Variants in ABCB11 observed in about 807,000 individuals in gnomAD.
ABCB11 encodes ATP binding cassette subfamily B member 11.
In ABCB11, 95 loss-of-function variants were observed where a neutral mutation model predicts 148.0. That is an observed-to-expected ratio of 0.64 (90% confidence interval 0.54 to 0.76). The LOEUF is 0.76. ABCB11 is among the 30% of genes least tolerant of loss of function. The pLI is 0.00. For synonymous variants in ABCB11, 591 were observed against 555.4 expected, an observed-to-expected ratio of 1.06 and a Z score of -0.90; for missense variants, 1,523 against 1,617.8, an observed-to-expected ratio of 0.94 and a Z score of 1.01.
At chr2:169,015,315 A>C (rs1695319523) in intron 3 of ABCB11, among the ~76,000 whole-genome samples, 2 of 152,186 alleles carry the variant, frequency 1.3e-5, no homozygotes, top group African/African-American at 4.8e-5. Context: ...CCACCTTGTG[A>C]ATGGATACCA....
downstream of ABCB11, among the ~76,000 whole-genome samples, chr2:168,916,214 G>T (rs544001176): frequency 3.9e-5 from 6 of 152,260 alleles, no homozygotes; most frequent in South Asian, 2.1e-4. Flanking sequence ...ATAGGCACTT[G>T]TTCTCTGTCA....
At chr2:168,964,020 A>G (rs903867022) in intron 18 of ABCB11, among the ~76,000 whole-genome samples, 186 bp downstream of exon 18, 33 of 151,940 alleles carry the variant, frequency 2.2e-4, no homozygotes, top group African/African-American at 7.5e-4. Context: ...CAATTAACTA[A>G]TCTGCATTAA....
chr2:169,014,250 T>C (rs1558927963), intron 4 of ABCB11, 53 bp downstream of exon 4: 2 of 1,553,296 alleles, frequency 1.3e-6, no homozygotes, highest in East Asian at 4.5e-5. Context: ...CCTCATGATC[T>C]AAACAATTTA....
rs776561679 is a variant in ABCB11, at chr2:168,996,661, C to T, written c.451G>A (p.Ala151Thr). 13 of 1,563,176 alleles carry T rather than the reference C, an allele frequency of 8.3e-6. No homozygotes were observed. Among genetic ancestry groups the T allele is most frequent in the South Asian group, 2.4e-5 (2 of 83,052 alleles). ...FASYYAGIAV[A>T]VLITGYIQIC... ...TGAATATATCCTGTGATAAGTACTG[C>T]GACAGCAATTCCAGCATAGTAACTG... Residue 151 changes from alanine (A) to threonine (T), a missense_variant, in exon 6 of 28, where the codon GCA (alanine) becomes ACA (threonine). By Grantham distance (58) the Ala-to-Thr change is moderately conservative. Transcript: ENST00000650372.
chr2:169,023,783 T>C (rs1318234104), intron 1 of ABCB11, among the ~76,000 whole-genome samples: 2 of 152,180 alleles, frequency 1.3e-5, no homozygotes, highest in Non-Finnish European at 2.9e-5. Flanking sequence ...GAATTAACGA[T>C]AGTGGTTACC....
At chr2:168,924,013 T>A (rs1691193882) in intron 27 of ABCB11, among the ~76,000 whole-genome samples, 191 bp from the exon 28 acceptor site, 1 of 152,190 alleles carries the variant, frequency 6.6e-6, no homozygotes, top group South Asian at 2.1e-4. Context: ...GGCAGTGCAC[T>A]GGCTGAGAAA....
chr2:168,935,787 C>T (rs889184949), intron 22 of ABCB11, among the ~76,000 whole-genome samples: 8 of 152,154 alleles, frequency 5.3e-5, no homozygotes, highest in African/African-American at 1.9e-4. Context: ...GACACTTGCC[C>T]CAAGCCTGGG....
chr2:168,975,514 T>C (rs1174223182), intron 12 of ABCB11, among the ~76,000 whole-genome samples: 21 of 124,904 alleles, frequency 1.7e-4, no homozygotes, highest in East Asian at 4.9e-4. Flanking sequence ...TAGATAAATA[T>C]ATAAATATTT....
intron 26 of ABCB11, among the ~76,000 whole-genome samples, chr2:168,925,309 T>A (rs939052251): frequency 3.9e-5 from 6 of 152,204 alleles, no homozygotes; most frequent in Admixed American, 2.0e-4. Flanking sequence ...ATTATTTAAA[T>A]TTTTTTGAGC....
chr2:168,919,850 G>GTT (rs1345178986), downstream of ABCB11, among the ~76,000 whole-genome samples: 5 of 151,682 alleles, frequency 3.3e-5, no homozygotes, highest in South Asian at 6.2e-4. Flanking sequence ...GTGTGTGTGT[G>GTT]TTTTGTTTTG....
chr2:168,952,221 A>G (rs1692598257), intron 19 of ABCB11, among the ~76,000 whole-genome samples: 1 of 151,682 alleles, frequency 6.6e-6, no homozygotes, highest in Non-Finnish European at 1.5e-5. Flanking sequence ...TGGTTTTGGT[A>G]TCAGGTGATA....
chr2:168,964,431 A>G, intron 17 of ABCB11, 123 bp from the exon 18 acceptor site: 2 of 791,400 alleles, frequency 2.5e-6, no homozygotes, highest in South Asian at 1.7e-5. Context: ...TCACATGGTA[A>G]CCAGGAAAGG....
At chr2:168,942,297 A>G (rs1692098424) in intron 21 of ABCB11, among the ~76,000 whole-genome samples, 1 of 151,892 alleles carries the variant, frequency 6.6e-6, no homozygotes, top group Non-Finnish European at 1.5e-5. Flanking sequence ...TCCCCACAAT[A>G]GCAATCCTAC....
chr2:168,947,885 G>A (rs1328394036), intron 19 of ABCB11, among the ~76,000 whole-genome samples: 1 of 151,504 alleles, frequency 6.6e-6, no homozygotes, highest in Non-Finnish European at 1.5e-5. Flanking sequence ...AGAGAATATT[G>A]TCACCACCAA....
At chr2:168,993,030 G>A (rs904190974) in intron 8 of ABCB11, among the ~76,000 whole-genome samples, 13 of 151,884 alleles carry the variant, frequency 8.6e-5, no homozygotes, top group Admixed American at 1.3e-4. Context: ...GATGTGACCC[G>A]AAATTCCTAT....
chr2:168,936,238 C>T lies in ABCB11; in HGVS notation c.2806G>A (p.Val936Met). ...TAGATCTGCAAGATTACCTGTCCCA[C>T]CATCTCCAGGGCCTGCTTATCTCGA... is the stretch of plus-strand genomic sequence containing the variant. ...ASRDKQALEM[V>M]GQITNEALSN... Residue 936 changes from valine (V) to methionine (M), a missense_variant, in exon 22 of 28, where the codon GTG becomes ATG. Val to Met is a conservative substitution (Grantham distance 21, BLOSUM62 1). Coordinates refer to ENST00000650372, the MANE Select transcript of ABCB11 (RefSeq NM_003742.4). 1 of 1,613,328 alleles carries T rather than the reference C, an allele frequency of 6.2e-7. No homozygotes were observed. The highest frequency in any genetic ancestry group is 8.5e-7 in the Non-Finnish European group (1 of 1,179,408).
chr2:169,004,740 G>A (rs1238508797), intron 5 of ABCB11, among the ~76,000 whole-genome samples: 1 of 152,114 alleles, frequency 6.6e-6, no homozygotes, highest in East Asian at 1.9e-4. Context: ...GGGTGTTAAA[G>A]AACCTTGCTT....
At chr2:168,947,554 A>G (rs937785082) in intron 19 of ABCB11, among the ~76,000 whole-genome samples, 3 of 151,718 alleles carry the variant, frequency 2.0e-5, no homozygotes, top group African/African-American at 4.8e-5. Flanking sequence ...CAATACAACA[A>G]ATGTGCATAT....
At chr2:168,989,856 A>G (rs1358746955) in intron 9 of ABCB11, among the ~76,000 whole-genome samples, 1 of 152,092 alleles carries the variant, frequency 6.6e-6, no homozygotes, top group Non-Finnish European at 1.5e-5. Context: ...TTCAGCATCT[A>G]TTGAGATAAC....
Sources: allele counts gnomAD v4.1 joint callset (sites outside exome capture counted in the v4.1 genomes callset), GRCh38; gene constraint gnomAD v4.1.1; transcripts MANE v1.5; gene names NCBI Gene and HGNC (gene_info 2026-07-23, HGNC 2026-07-21).